COBL: variants seen among roughly 807,000 people sequenced by gnomAD.
COBL encodes cordon-bleu WH2 repeat protein, also known as protein cordon-bleu.
In COBL, 51 loss-of-function variants were observed where a neutral mutation model predicts 98.8. That is an observed-to-expected ratio of 0.52 (90% CI 0.41 to 0.65). COBL has a LOEUF of 0.65. Ranked by LOEUF, COBL falls within the 30% of genes least tolerant of loss-of-function variation. The probability of loss-of-function intolerance (pLI) is 0.00; values close to 1 mark genes in which losing one functional copy is unlikely to be tolerated. For synonymous variants in COBL, 634 were observed against 651.7 expected, an observed-to-expected ratio of 0.97 and a Z score of 0.41; for missense variants, 1,617 against 1,617.5, an observed-to-expected ratio of 1.00 and a Z score of 0.01.
intron 6 of COBL, among the ~76,000 whole-genome samples, chr7:51,115,914 T>C (rs558139939): frequency 6.6e-6 from 1 of 152,234 alleles, no homozygotes; most frequent in Non-Finnish European, 1.5e-5. Flanking sequence ...CATACACATA[T>C]ATATGAGTAT....
chr7:51,073,983 G>C (rs771117419), intron 7 of COBL, among the ~76,000 whole-genome samples: 1 of 152,122 alleles, frequency 6.6e-6, no homozygotes, highest in Non-Finnish European at 1.5e-5. Context: ...GTGGGAGACT[G>C]ACCTGTGGTG....
chr7:51,235,990 T>A (rs1300198842), intron 1 of COBL, among the ~76,000 whole-genome samples: 1 of 151,622 alleles, frequency 6.6e-6, no homozygotes, highest in Non-Finnish European at 1.5e-5. Flanking sequence ...AACCCCGACA[T>A]CCCCTTGGAA....
At chr7:51,106,142 T>C (rs1796244433) in intron 6 of COBL, among the ~76,000 whole-genome samples, 1 of 143,092 alleles carries the variant, frequency 7.0e-6, no homozygotes, top group South Asian at 2.2e-4. Context: ...TGGTGGAGGT[T>C]GCAGTGAGCC....
chr7:51,081,107 A>G (rs1462617376), intron 7 of COBL, among the ~76,000 whole-genome samples: 3 of 152,068 alleles, frequency 2.0e-5, no homozygotes, highest in African/African-American at 7.2e-5. Flanking sequence ...GCGGGGCAGG[A>G]GAGGGAGGGG....
chr7:51,156,437 A>T, intron 5 of COBL: 2 of 985,332 alleles, frequency 2.0e-6, no homozygotes, highest in Non-Finnish European at 2.4e-6. Context: ...CAGGTTCCCC[A>T]GGAATCACCC....
intron 7 of COBL, among the ~76,000 whole-genome samples, chr7:51,067,670 C>T (rs1792081793): frequency 6.6e-6 from 1 of 152,232 alleles, no homozygotes; most frequent in Non-Finnish European, 1.5e-5. Flanking sequence ...TTACTAGACT[C>T]TTCTTGACTC....
chr7:51,265,117 T>A (rs983176939), intron 1 of COBL, among the ~76,000 whole-genome samples: 1 of 152,080 alleles, frequency 6.6e-6, no homozygotes, highest in Non-Finnish European at 1.5e-5. Flanking sequence ...CTCAAGAAAG[T>A]CTACACAGCA....
chr7:51,042,809 C>T (rs1007476754), intron 8 of COBL, among the ~76,000 whole-genome samples: 5 of 152,196 alleles, frequency 3.3e-5, no homozygotes, highest in Non-Finnish European at 5.9e-5. Context: ...TGCCATCTGA[C>T]GCCTACATGC....
chr7:51,313,982 AG>A (rs1184041660), intron 1 of COBL, among the ~76,000 whole-genome samples: 1 of 152,248 alleles, frequency 6.6e-6, no homozygotes, highest in East Asian at 1.9e-4. Context: ...CCAGGAGTCA[AG>A]GAAGTCATAC....
chr7:51,199,175 T>C (rs1212326747), intron 2 of COBL, among the ~76,000 whole-genome samples: 1 of 152,196 alleles, frequency 6.6e-6, no homozygotes, highest in African/African-American at 2.4e-5. Context: ...CACTGTGGCC[T>C]GCTGGGAGAC....
intron 6 of COBL, among the ~76,000 whole-genome samples, chr7:51,109,661 T>C (rs562549156): frequency 7.2e-5 from 11 of 152,268 alleles, no homozygotes; most frequent in African/African-American, 2.6e-4. Context: ...CTCATTTATT[T>C]CTCAAAAATT....
intron 7 of COBL, among the ~76,000 whole-genome samples, chr7:51,080,701 G>A (rs1001630251): frequency 6.6e-6 from 1 of 152,144 alleles, no homozygotes; most frequent in African/African-American, 2.4e-5. Flanking sequence ...AGAGGAGATA[G>A]GCAAGTGCTT....
chr7:51,052,060 C>T (rs766781296), intron 7 of COBL, among the ~76,000 whole-genome samples: 3 of 152,262 alleles, frequency 2.0e-5, no homozygotes, highest in Admixed American at 6.5e-5. Flanking sequence ...AACCACATAA[C>T]GGTAATTGGG....
intron 5 of COBL, among the ~76,000 whole-genome samples, chr7:51,169,507 G>A (rs1025241277): frequency 6.6e-6 from 1 of 152,192 alleles, no homozygotes; most frequent in African/African-American, 2.4e-5. Flanking sequence ...ACAATGGAGT[G>A]CTAGTCAACT....
chr7:51,041,954 C>T (rs532325842), intron 8 of COBL, among the ~76,000 whole-genome samples: 13 of 152,166 alleles, frequency 8.5e-5, no homozygotes, highest in Non-Finnish European at 1.3e-4. Flanking sequence ...ACAAATACAC[C>T]AGTGCTACAA....
At chr7:51,291,787 C>A (rs1361400681) in intron 1 of COBL, among the ~76,000 whole-genome samples, 1 of 151,890 alleles carries the variant, frequency 6.6e-6, no homozygotes, top group East Asian at 2.0e-4. Context: ...TTTATCAGTG[C>A]ACAATCAGCA....
At chr7:51,157,631 T>C (rs912744582) in intron 5 of COBL, among the ~76,000 whole-genome samples, 1 of 152,226 alleles carries the variant, frequency 6.6e-6, no homozygotes, top group African/African-American at 2.4e-5. Context: ...CTTCTTTCTT[T>C]CCTTATTTTT....
At position 51,182,109 on chromosome 7, in the gene COBL, GTGAGGAA is replaced by G. The variant is rs530372485; in HGVS notation, c.783+1986_783+1992del. ...GAGAACAACTACTTGAGGTCTAAGG[GTGAGGAA>G]TGAGGAATGAGGAATGGTGGATTTT... On this transcript the variant is annotated intron_variant, in intron 5 of 12. Coordinates refer to ENST00000265136, the MANE Select transcript of COBL (RefSeq NM_015198.5). Among the ~76,000 whole-genome samples, 515 of 152,228 alleles carry G rather than the reference GTGAGGAA, an allele frequency of 3.4e-3. 1 individual carries two copies. Among genetic ancestry groups the G allele is most frequent in the Non-Finnish European group, 4.7e-3 (320 of 68,018 alleles).
chr7:51,293,902 T>C (rs1484180075), intron 1 of COBL, among the ~76,000 whole-genome samples: 1 of 152,014 alleles, frequency 6.6e-6, no homozygotes, highest in Non-Finnish European at 1.5e-5. Context: ...GGTCGTCCCA[T>C]GCTCGGTAAG....
Sources: gnomAD v4.1 joint callset for allele counts (sites outside exome capture counted in the v4.1 genomes callset) on GRCh38, gnomAD v4.1.1 for gene constraint, MANE v1.5 for transcripts, NCBI Gene and HGNC (gene_info 2026-07-23, HGNC 2026-07-21) for gene names.